The following TUBGCP3 variants were observed in gnomAD, a reference collection of about 807,000 sequenced individuals.
The protein encoded by TUBGCP3 is gamma-tubulin complex component 3.
In TUBGCP3, 50 loss-of-function variants were observed where a neutral mutation model predicts 123.1. The observed-to-expected ratio is 0.41, with a 90% CI of 0.32 to 0.51. The LOEUF (loss-of-function observed/expected upper bound fraction) is 0.51, where lower values mean the gene tolerates loss of function less well. TUBGCP3 is among the 20% of genes least tolerant of loss of function. The pLI is 0.36. For missense variants in TUBGCP3, 882 were observed against 1,127.0 expected (o/e 0.78, Z 3.11); for synonymous variants, 405 against 413.9 (o/e 0.98, Z 0.26).
chr13:112,526,954 A>G lies in TUBGCP3; in HGVS notation c.1543T>C (p.Ser515Pro). The part of the protein sequence containing the change: ...KMIAVTKSAE[S>P]PQDAADLFTD... The stretch of plus-strand genomic sequence containing the variant: ...AGCATCATCATACCGTCCTGGGGTG[A>G]CTCTGCAGACTTGGTCACAGCTATC... The change falls in exon 13 of 22, where the codon TCA becomes CCA. Residue 515 changes from serine to proline, a missense_variant. Physicochemically the swap from Ser to Pro is moderately conservative, Grantham distance 74 (BLOSUM62 -1). Coordinates refer to ENST00000261965, the MANE Select transcript of TUBGCP3 (RefSeq NM_006322.6). 1.2e-6 allele frequency: 2 copies of G among 1,613,630 alleles called. No individual in the cohort carries two copies. The highest frequency in any genetic ancestry group is 1.7e-6 in the Non-Finnish European group (2 of 1,179,596).
chr13:112,587,783 C>A, intron 1 of TUBGCP3, 122 bp downstream of exon 1: 1 of 879,610 alleles, frequency 1.1e-6, no homozygotes, highest in Non-Finnish European at 1.6e-6. Flanking sequence ...TCGGCCCGTC[C>A]CCCAGCCCTC....
intron 1 of TUBGCP3, among the ~76,000 whole-genome samples, chr13:112,576,164 A>G (rs1881792862): frequency 6.6e-6 from 1 of 152,222 alleles, no homozygotes; most frequent in African/African-American, 2.4e-5. Flanking sequence ...CGTAATTCTG[A>G]ACAGCTAAAA....
At chr13:112,548,639 G>GA (rs1282743339) in intron 8 of TUBGCP3, among the ~76,000 whole-genome samples, 5 of 152,114 alleles carry the variant, frequency 3.3e-5, no homozygotes, top group East Asian at 1.9e-4. Flanking sequence ...AAATTTACAA[G>GA]AAAAAATCAA....
intron 11 of TUBGCP3, among the ~76,000 whole-genome samples, chr13:112,532,719 A>G (rs1024571920): frequency 6.6e-6 from 1 of 152,258 alleles, no homozygotes; most frequent in African/African-American, 2.4e-5. Flanking sequence ...CAAAAAATAT[A>G]AACTTTTCCC....
chr13:112,528,786 G>A (rs1304406277), intron 11 of TUBGCP3, among the ~76,000 whole-genome samples: 3 of 151,976 alleles, frequency 2.0e-5, no homozygotes, highest in Non-Finnish European at 4.4e-5. Flanking sequence ...CCCATTCCTA[G>A]ATTATGAAAA....
chr13:112,544,244 G>C (rs1350008045), intron 11 of TUBGCP3, among the ~76,000 whole-genome samples: 2 of 151,970 alleles, frequency 1.3e-5, no homozygotes, highest in Non-Finnish European at 2.9e-5. Flanking sequence ...ACAAGGTCAG[G>C]AGATCGAGAC....
At position 112,494,734 on chromosome 13, in the gene TUBGCP3, C is replaced by T. The variant is rs143281797; in HGVS notation, c.2448+4311G>A. The stretch of plus-strand genomic sequence containing the variant: ...CTTCACATCCTCGCCAGCATTTGTT[C>T]TTGCCTGACTTTTGGATAAAAGCCA... On this transcript the variant is annotated intron_variant, in intron 20 of 21. Transcript: ENST00000261965. 5.3e-3 allele frequency among the ~76,000 whole-genome samples: 810 copies of T among 152,362 alleles called. 8 individuals carry two copies. The highest frequency in any genetic ancestry group is 0.019 in the African/African-American group (772 of 41,582).
chr13:112,494,688 A>C (rs1368959428), intron 20 of TUBGCP3, among the ~76,000 whole-genome samples: 1 of 152,192 alleles, frequency 6.6e-6, no homozygotes, highest in Non-Finnish European at 1.5e-5. Context: ...TTCCCTCCGC[A>C]GTGTGTGAGG....
chr13:112,568,097 G>T (rs1881105567), intron 2 of TUBGCP3, among the ~76,000 whole-genome samples: 1 of 151,288 alleles, frequency 6.6e-6, no homozygotes, highest in Admixed American at 6.6e-5. Context: ...TTATTACTGA[G>T]ACCCAAGGCC....
At position 112,569,216 on chromosome 13, in the gene TUBGCP3, G is replaced by A. The variant is rs752143000; in HGVS notation, c.120C>T (p.Gly40=). The A allele has an allele frequency of 9.3e-6, 15 of 1,614,138 alleles. No individual in the cohort carries two copies. The highest frequency in any genetic ancestry group is 2.2e-5 in the East Asian group (1 of 44,880). Residue 40 remains glycine, a synonymous_variant, in exon 2 of 22, where the codon GGC becomes GGT. Transcript: ENST00000261965. ...TTTCAACAGTTGGGGCGAAGTTGCT[G>A]CCAATCACCCGCACAGCATACTGGA... ...QQFQYAVRVI[G]SNFAPTVERD...
the TUBGCP3 span, among the ~76,000 whole-genome samples, chr13:112,596,892 A>C: frequency 1.3e-5 from 2 of 152,238 alleles, no homozygotes; most frequent in Admixed American, 1.3e-4. Context: ...CATTTCAAAC[A>C]CATGAAACTA....
intron 20 of TUBGCP3, among the ~76,000 whole-genome samples, chr13:112,495,554 T>C (rs1407459246): frequency 6.6e-6 from 1 of 152,244 alleles, no homozygotes; most frequent in African/African-American, 2.4e-5. Context: ...TGAATTACAA[T>C]ATCTTTATTA....
chr13:112,568,109 A>T (rs190918953), intron 2 of TUBGCP3, among the ~76,000 whole-genome samples: 27 of 151,548 alleles, frequency 1.8e-4, no homozygotes, highest in African/African-American at 6.1e-4. Flanking sequence ...CCCAAGGCCA[A>T]ATGGACTTCT....
At chr13:112,594,825 T>C in the TUBGCP3 span, among the ~76,000 whole-genome samples, 4 of 152,234 alleles carry the variant, frequency 2.6e-5, no homozygotes, top group Admixed American at 2.0e-4. Flanking sequence ...CTTTGACCCA[T>C]GGATAATGAA....
At chr13:112,534,121 G>A (rs141510643) in intron 11 of TUBGCP3, among the ~76,000 whole-genome samples, 13 of 152,272 alleles carry the variant, frequency 8.5e-5, no homozygotes, top group African/African-American at 3.1e-4. Context: ...AACAAACTTT[G>A]CAGGTCCCCG....
chr13:112,528,926 A>G (rs1877346691), intron 11 of TUBGCP3, among the ~76,000 whole-genome samples: 1 of 151,998 alleles, frequency 6.6e-6, no homozygotes, highest in Non-Finnish European at 1.5e-5. Flanking sequence ...ATCTTGGCTC[A>G]CTGCAACGTC....
At chr13:112,601,185 T>TAAAA in the TUBGCP3 span, among the ~76,000 whole-genome samples, 2 of 86,508 alleles carry the variant, frequency 2.3e-5, no homozygotes, top group Non-Finnish European at 4.4e-5. Flanking sequence ...AGATTCTGTC[T>TAAAA]AAAAAAAAAA....
At chr13:112,561,054 G>T (rs1880478038) in intron 3 of TUBGCP3, among the ~76,000 whole-genome samples, 1 of 152,236 alleles carries the variant, frequency 6.6e-6, no homozygotes, top group Admixed American at 6.5e-5. Context: ...GCTGCACCAA[G>T]AAACTTGGAT....
At chr13:112,541,884 A>T (rs1181895968) in intron 11 of TUBGCP3, among the ~76,000 whole-genome samples, 1 of 152,198 alleles carries the variant, frequency 6.6e-6, no homozygotes. Context: ...TAATTATTGA[A>T]CGAAGAGGAT....
Sources: gnomAD v4.1 joint callset for allele counts (sites outside exome capture counted in the v4.1 genomes callset) on GRCh38, gnomAD v4.1.1 for gene constraint, MANE v1.5 for transcripts, NCBI Gene and HGNC (gene_info 2026-07-23, HGNC 2026-07-21) for gene names.